Variants in TYW3 observed in about 807,000 individuals in gnomAD.
The protein encoded by TYW3 is tRNA wybutosine-synthesizing protein 3 homolog.
Under a neutral mutation model 23.1 loss-of-function variants are expected in TYW3, and 26 were observed. The observed-to-expected ratio is 1.13, with a 90% CI of 0.83 to 1.56. The LOEUF is 1.56. Among genes scored for constraint, TYW3 ranks in the 40% most tolerant of loss-of-function variants. TYW3 has a pLI of 0.00. For synonymous variants in TYW3, 102 were observed against 105.7 expected (o/e 0.97, Z 0.21); for missense variants, 316 against 311.9 (o/e 1.01, Z -0.10).
At chr1:74,763,442 CAAAT>C (rs1283341725) in intron 5 of TYW3, among the ~76,000 whole-genome samples, 3 of 151,848 alleles carry the variant, frequency 2.0e-5, no homozygotes, top group African/African-American at 7.3e-5. Flanking sequence ...CTAATTGTGA[CAAAT>C]AGGTATATGG....
At chr1:74,756,262 A>G (rs187504431) in intron 5 of TYW3, among the ~76,000 whole-genome samples, 1 of 152,338 alleles carries the variant, frequency 6.6e-6, no homozygotes, top group Admixed American at 6.5e-5. Flanking sequence ...ACTGGGTAAC[A>G]GGTAGAGGTT....
At chr1:74,755,432 T>C (rs1404097054) in intron 5 of TYW3, among the ~76,000 whole-genome samples, 1 of 152,228 alleles carries the variant, frequency 6.6e-6, no homozygotes, top group African/African-American at 2.4e-5. Flanking sequence ...GATCATACAA[T>C]ATGCATCCTC....
chr1:74,752,071 A>G (rs990933686), intron 4 of TYW3, among the ~76,000 whole-genome samples: 3 of 152,252 alleles, frequency 2.0e-5, no homozygotes, highest in African/African-American at 4.8e-5. Flanking sequence ...AAGGTAACGT[A>G]CAGAATATCT....
At chr1:74,761,970 A>G (rs1557751774) in intron 5 of TYW3, among the ~76,000 whole-genome samples, 1 of 152,158 alleles carries the variant, frequency 6.6e-6, no homozygotes, top group Non-Finnish European at 1.5e-5. Flanking sequence ...TAAAGGGTGC[A>G]TTAAGTGAAA....
chr1:74,766,028 T>C lies in TYW3; in HGVS notation c.*1915T>C, dbSNP rs1021017038. ...CATTTTAATCATCAATGATGGACCA[T>C]ATACCATATACGATATGGTGGCCCC... On this transcript the variant is annotated 3_prime_UTR_variant, in exon 6 of 6. Coordinates refer to ENST00000370867, the MANE Select transcript of TYW3 (RefSeq NM_138467.3). The C allele has an allele frequency of 3.3e-5, 5 of 152,112 alleles. No individual in the cohort carries two copies. Among genetic ancestry groups the C allele is most frequent in the African/African-American group, 1.2e-4 (5 of 41,434 alleles). 9.4% of individuals were successfully genotyped at this position (152,112 alleles called of 1,614,324 possible). A position where few individuals can be genotyped will look rare whatever the true frequency, so the allele number is the denominator to read the frequency against.
rs577949502 is a variant in TYW3 at position 74,746,421 on chromosome 1, C to T, written c.355-2330C>T. Among the ~76,000 whole-genome samples, 14 of 152,332 alleles carry T rather than the reference C, an allele frequency of 9.2e-5. No individual in the cohort carries two copies. The South Asian group carries it at 2.9e-3, about 32-fold the overall frequency. On this transcript the variant is annotated intron_variant, in intron 3 of 5. Coordinates refer to ENST00000370867, the MANE Select transcript of TYW3 (RefSeq NM_138467.3). ...ATCACATCACTGATGTGTCTCCAGACTTTAACTCTCCTGTTTCTATATCCA... is the reference window on the plus strand; with the variant it reads ...ATCACATCACTGATGTGTCTCCAGATTTTAACTCTCCTGTTTCTATATCCA...
At chr1:74,752,252 G>T (rs771487402) in intron 4 of TYW3, 40 bp from the exon 5 acceptor site, 1 of 1,549,624 alleles carries the variant, frequency 6.5e-7, no homozygotes, top group South Asian at 1.3e-5. Context: ...AGTTTCTGTG[G>T]TATCTAAGTC....
At chr1:74,759,751 C>A (rs1157001298) in intron 5 of TYW3, among the ~76,000 whole-genome samples, 1 of 152,112 alleles carries the variant, frequency 6.6e-6, no homozygotes, top group Non-Finnish European at 1.5e-5. Context: ...TCAAGTGATC[C>A]TCCACCTCAG....
At chr1:74,738,116 A>C (rs1214920101) in intron 2 of TYW3, among the ~76,000 whole-genome samples, 1 of 151,320 alleles carries the variant, frequency 6.6e-6, no homozygotes, top group Non-Finnish European at 1.5e-5. Flanking sequence ...GGAAAAAAAA[A>C]CAAACAAAAA....
chr1:74,756,614 G>T (rs564908441), intron 5 of TYW3, among the ~76,000 whole-genome samples: 1 of 152,148 alleles, frequency 6.6e-6, no homozygotes, highest in East Asian at 1.9e-4. Context: ...AGTTTTATAA[G>T]GGAAGCAGAG....
intron 5 of TYW3, among the ~76,000 whole-genome samples, chr1:74,752,667 A>G (rs1648826991): frequency 1.3e-5 from 2 of 152,170 alleles, no homozygotes; most frequent in African/African-American, 4.8e-5. Flanking sequence ...TAGGCACGTG[A>G]CCACCAGAAG....
Position 74,738,781 on chromosome 1 carries a change from A to C in TYW3, c.347A>C (p.Gln116Pro). ...CAGTGTCGACAATTGCAGGATGCAC[A>C]GATTCTGGTAAAATTTTGTTGTAAT... is the stretch of plus-strand genomic sequence containing the variant. ...HVQCRQLQDA[Q>P]ILHSMAIDSG... The change falls in exon 3 of 6, where the codon CAG becomes CCG. Residue 116 changes from glutamine (Q) to proline (P), a missense_variant. Gln to Pro is a moderately conservative substitution (Grantham distance 76). Transcript: ENST00000370867. The C allele has an allele frequency of 6.2e-7, 1 of 1,607,900 alleles. No individual in the cohort carries two copies. The highest frequency in any genetic ancestry group is 8.5e-7 in the Non-Finnish European group (1 of 1,175,538).
At chr1:74,757,555 A>AC (rs1648995691) in intron 5 of TYW3, among the ~76,000 whole-genome samples, 1 of 152,158 alleles carries the variant, frequency 6.6e-6, no homozygotes, top group Admixed American at 6.5e-5. Context: ...CAATGCCCAC[A>AC]CCACCATTGT....
intron 5 of TYW3, among the ~76,000 whole-genome samples, chr1:74,755,253 T>C (rs970089436): frequency 6.6e-6 from 1 of 152,208 alleles, no homozygotes; most frequent in Non-Finnish European, 1.5e-5. Context: ...GCATTCACAT[T>C]GTTATGCAAC....
intron 5 of TYW3, among the ~76,000 whole-genome samples, chr1:74,753,957 C>G (rs761878381): frequency 1.3e-5 from 2 of 152,142 alleles, no homozygotes; most frequent in Admixed American, 1.3e-4. Context: ...TCCAGCCACA[C>G]CCTGGTTGAG....
At chr1:74,747,828 T>C (rs1648633439) in intron 3 of TYW3, among the ~76,000 whole-genome samples, 1 of 151,582 alleles carries the variant, frequency 6.6e-6, no homozygotes, top group East Asian at 1.9e-4. Flanking sequence ...TGTATATATA[T>C]GGGTGCGTAT....
intron 3 of TYW3, among the ~76,000 whole-genome samples, chr1:74,743,238 T>C (rs1389129242): frequency 6.6e-6 from 1 of 152,156 alleles, no homozygotes; most frequent in Non-Finnish European, 1.5e-5. Context: ...CTCCATTTTA[T>C]GTCCTCTCTG....
At chr1:74,740,806 A>C (rs539751137) in intron 3 of TYW3, among the ~76,000 whole-genome samples, 1 of 152,342 alleles carries the variant, frequency 6.6e-6, no homozygotes, top group East Asian at 1.9e-4. Flanking sequence ...CAGAGCGCTA[A>C]TTGGTGCGTT....
intron 3 of TYW3, among the ~76,000 whole-genome samples, chr1:74,741,826 T>C (rs1392122657): frequency 2.0e-5 from 3 of 152,138 alleles, no homozygotes; most frequent in Non-Finnish European, 4.4e-5. Flanking sequence ...GAGTTTCTTG[T>C]GTTAGTTTTC....
Sources: allele counts gnomAD v4.1 joint callset (sites outside exome capture counted in the v4.1 genomes callset), GRCh38; gene constraint gnomAD v4.1.1; transcripts MANE v1.5; gene names NCBI Gene and HGNC (gene_info 2026-07-23, HGNC 2026-07-21).